The following TBC1D31 variants were observed in gnomAD, a reference collection of about 807,000 sequenced individuals.
TBC1D31 encodes WD repeat domain 67.
TBC1D31 carries 99 observed loss-of-function variants against 132.9 expected under a neutral mutation model. That is an observed-to-expected ratio of 0.74 (90% CI 0.63 to 0.88). The LOEUF is 0.88. Ranked by LOEUF, TBC1D31 falls within the 40% of genes least tolerant of loss-of-function variation. The probability of loss-of-function intolerance (pLI) is 0.00; values close to 1 mark genes in which losing one functional copy is unlikely to be tolerated. For missense variants in TBC1D31, 1,134 were observed against 1,256.6 expected (o/e 0.90, Z 1.48); for synonymous variants, 385 against 419.4 (o/e 0.92, Z 1.00).
intron 10 of TBC1D31, among the ~76,000 whole-genome samples, chr8:123,111,712 C>T (rs1164107112): frequency 6.6e-6 from 1 of 151,852 alleles, no homozygotes; most frequent in Non-Finnish European, 1.5e-5. Flanking sequence ...TATATTTATG[C>T]TGTATAATAA....
At chr8:123,111,728 A>G (rs1818459522) in intron 10 of TBC1D31, among the ~76,000 whole-genome samples, 1 of 152,198 alleles carries the variant, frequency 6.6e-6, no homozygotes, top group Admixed American at 6.5e-5. Flanking sequence ...AATAAAAACT[A>G]TATAACTATA....
At chr8:123,119,670 G>C (rs1819284778) in intron 10 of TBC1D31, among the ~76,000 whole-genome samples, 1 of 152,068 alleles carries the variant, frequency 6.6e-6, no homozygotes, top group African/African-American at 2.4e-5. Context: ...CCATGATTAT[G>C]CCACTGCATT....
chr8:123,126,577 T>C lies in TBC1D31; in HGVS notation c.1774T>C (p.Phe592Leu), dbSNP rs1820052654. ...GACAAGAGAGGAGTGGCTGAAATTG[T>C]TCGATAATATCTTTTCCAACCATCC... ...VLTREEWLKLFDNIFSNHPSF... is the reference protein window; with the variant it reads ...VLTREEWLKLLDNIFSNHPSF... The change falls in exon 13 of 22, where the codon TTC becomes CTC. Residue 592 changes from phenylalanine (F) to leucine (L), a missense_variant. Transcript: ENST00000287380. 2 of 1,614,104 alleles carry C rather than the reference T, an allele frequency of 1.2e-6. No individual in the cohort carries two copies. Among genetic ancestry groups the C allele is most frequent in the Non-Finnish European group, 1.7e-6 (2 of 1,180,016 alleles).
At chr8:123,149,231 TCC>T (rs57469791) in intron 20 of TBC1D31, among the ~76,000 whole-genome samples, 27,540 of 151,994 alleles carry the variant, frequency 0.18, 2,554 homozygotes, top group South Asian at 0.21. Flanking sequence ...TAGATTCCAG[TCC>T]CCCACCAGTT....
chr8:123,129,619 A>G (rs981445208), intron 15 of TBC1D31, among the ~76,000 whole-genome samples: 3 of 152,144 alleles, frequency 2.0e-5, no homozygotes, highest in Admixed American at 2.0e-4. Flanking sequence ...TAGAATGATT[A>G]TGTCATTACC....
chr8:123,147,952 C>G (rs1035621718), intron 20 of TBC1D31, among the ~76,000 whole-genome samples: 2 of 151,550 alleles, frequency 1.3e-5, no homozygotes, highest in Middle Eastern at 3.2e-3. Flanking sequence ...ATGGTGAAAC[C>G]CCCGTCTCTA....
In TBC1D31 at chr8:123,126,281, T is replaced by G. The variant is rs1183914625; in HGVS notation, c.1704+92T>G. 2.1e-6 allele frequency: 3 copies of G among 1,421,792 alleles called. No individual in the cohort carries two copies. In the African/African-American group the frequency reaches 4.3e-5, roughly 20 times the overall value. The allele number at this position is 1,421,792 out of a possible 1,614,324, so 88.1% of individuals were successfully genotyped here. A position where few individuals can be genotyped will look rare whatever the true frequency, so the allele number is the denominator to read the frequency against. ...ACAGTCTTTTCTTGAAGGAGTATAA[T>G]AAAAAGCATACTACATGTTGTATTT... On this transcript the variant is annotated intron_variant, in intron 12 of 21. Transcript: ENST00000287380.
At chr8:123,156,808 C>A (rs1372660056), downstream of TBC1D31, among the ~76,000 whole-genome samples, 1 of 152,228 alleles carries the variant, frequency 6.6e-6, no homozygotes, top group Non-Finnish European at 1.5e-5. Flanking sequence ...CCCGCAGCTC[C>A]CTCGCCGGCC....
chr8:123,095,327 T>C (rs146861336), intron 5 of TBC1D31, among the ~76,000 whole-genome samples: 6 of 152,334 alleles, frequency 3.9e-5, no homozygotes, highest in Non-Finnish European at 8.8e-5. Flanking sequence ...AATGCTGCTG[T>C]TCTAATTCTC....
At chr8:123,102,888 T>G (rs1185075102) in intron 7 of TBC1D31, 1 of 152,308 alleles carries the variant, frequency 6.6e-6, no homozygotes, top group Non-Finnish European at 1.5e-5. Flanking sequence ...TGAAGCGCTA[T>G]TTATTGTTTC....
the TBC1D31 span, among the ~76,000 whole-genome samples, chr8:123,159,277 AAAAAAAG>A: frequency 0.014 from 1,779 of 124,158 alleles, 23 homozygotes; most frequent in Middle Eastern, 0.022. Flanking sequence ...GGAAAAAAAA[AAAAAAAG>A]AAAAAGAAAA....
chr8:123,113,215 T>C, intron 10 of TBC1D31, among the ~76,000 whole-genome samples: 1 of 152,314 alleles, frequency 6.6e-6, no homozygotes, highest in Middle Eastern at 3.4e-3. Flanking sequence ...CTGTTTAAGG[T>C]ATCTAAAATT....
chr8:123,099,988 C>G (rs1381969928), intron 6 of TBC1D31, among the ~76,000 whole-genome samples: 1 of 152,130 alleles, frequency 6.6e-6, no homozygotes, highest in Non-Finnish European at 1.5e-5. Flanking sequence ...CAGCATTAAT[C>G]TTTTCATGAG....
At chr8:123,099,372 G>A (rs533279362) in intron 6 of TBC1D31, among the ~76,000 whole-genome samples, 3 of 152,024 alleles carry the variant, frequency 2.0e-5, no homozygotes, top group South Asian at 2.1e-4. Flanking sequence ...CGCCCGTGTC[G>A]GCCTCCCAAA....
chr8:123,073,503 C>G, intron 1 of TBC1D31: 1 of 427,964 alleles, frequency 2.3e-6, no homozygotes, highest in East Asian at 7.1e-5. Flanking sequence ...GCTTTTCATT[C>G]TGTTCCCAGT....
intron 16 of TBC1D31, among the ~76,000 whole-genome samples, chr8:123,131,197 C>G (rs1820583744): frequency 6.6e-6 from 1 of 151,382 alleles, no homozygotes; most frequent in Admixed American, 6.6e-5. Context: ...AACCCTGTCT[C>G]TACTAAAAAT....
Position 123,152,036 on chromosome 8 carries a change from GC to G in TBC1D31, c.*100del. The G allele has an allele frequency of 8.3e-7, 1 of 1,200,816 alleles. No homozygotes were observed. The highest frequency in any genetic ancestry group is 1.1e-6 in the Non-Finnish European group (1 of 924,816). 74.4% of individuals were successfully genotyped at this position (1,200,816 alleles called of 1,614,324 possible). On this transcript the variant is annotated 3_prime_UTR_variant, in exon 22 of 22. Transcript: ENST00000287380. ...TTATTTAAAATTCCTATAAAGATCA[GC>G]CCTTTGTACAGAAAAATGTGTCTAT...
Position 123,120,242 on chromosome 8 carries a change from C to T in TBC1D31, c.1570+54C>T, listed in dbSNP as rs115261261. 4.1e-4 allele frequency: 592 copies of T among 1,453,682 alleles called. 1 individual carries two copies. The African/African-American group carries it at 7.4e-3, about 18-fold the overall frequency. 90.0% of individuals were successfully genotyped at this position (1,453,682 alleles called of 1,614,324 possible). ...TCAAGAATGGATTCTTATACATTTTCCTGATGTCTTTGCACCTTTGCAACA... is the reference window on the plus strand; with the variant it reads ...TCAAGAATGGATTCTTATACATTTTTCTGATGTCTTTGCACCTTTGCAACA... On this transcript the variant is annotated intron_variant, in intron 11 of 21. Coordinates refer to ENST00000287380, the MANE Select transcript of TBC1D31 (RefSeq NM_145647.4).
chr8:123,120,417 A>C (rs2130704089), intron 11 of TBC1D31, among the ~76,000 whole-genome samples: 1 of 152,366 alleles, frequency 6.6e-6, no homozygotes, highest in Non-Finnish European at 1.5e-5. Context: ...CATGCCTGTA[A>C]TCCCAGCACT....
Sources: allele counts gnomAD v4.1 joint callset (sites outside exome capture counted in the v4.1 genomes callset), GRCh38; gene constraint gnomAD v4.1.1; transcripts MANE v1.5; gene names NCBI Gene and HGNC (gene_info 2026-07-23, HGNC 2026-07-21).